Variants in GPR157 observed in about 807,000 individuals in gnomAD.
The protein encoded by GPR157 is G-protein coupled receptor 157.
GPR157 carries 16 observed loss-of-function variants against 23.5 expected under a neutral mutation model. That is an observed-to-expected ratio of 0.68 (90% CI 0.46 to 1.04). The LOEUF (loss-of-function observed/expected upper bound fraction) is 1.04, where lower values mean the gene tolerates loss of function less well. Ranked by LOEUF, GPR157 falls within the 50% of genes least tolerant of loss-of-function variation. The pLI is 0.00. For synonymous variants in GPR157, 200 were observed against 221.5 expected, an observed-to-expected ratio of 0.90 and a Z score of 0.86; for missense variants, 440 against 460.7, an observed-to-expected ratio of 0.96 and a Z score of 0.41.
Position 9,118,469 on chromosome 1 carries a change from G to A in GPR157, c.384-6980C>T, listed in dbSNP as rs1638732302. Reference sequence around the variant, plus strand: ...AGCCACCTCGTGTGTAACTCTGATTGGCAGGGGCACCACAAGCTTCTCCCA... The same window carrying A: ...AGCCACCTCGTGTGTAACTCTGATTAGCAGGGGCACCACAAGCTTCTCCCA... On this transcript the variant is annotated intron_variant, in intron 1 of 3. Coordinates refer to ENST00000377411, the MANE Select transcript of GPR157 (RefSeq NM_024980.5). This position sits in a 1 kb window ranked among gnomAD's most constrained non-coding sequence, Gnocchi z 4.6. 6.6e-6 allele frequency among the ~76,000 whole-genome samples: 1 copy of A among 152,128 alleles called. No individual in the cohort carries two copies. Among genetic ancestry groups the A allele is most frequent in the Non-Finnish European group, 1.5e-5 (1 of 68,030 alleles).
intron 1 of GPR157, among the ~76,000 whole-genome samples, chr1:9,123,537 A>AAAT (rs1392413193): frequency 4.9e-5 from 5 of 102,336 alleles, no homozygotes; most frequent in Non-Finnish European, 7.3e-5. Context: ...TATATATTTA[A>AAAT]ATATATCTAA....
chr1:9,107,752 C>A (rs527912409), intron 2 of GPR157, among the ~76,000 whole-genome samples: 1 of 152,096 alleles, frequency 6.6e-6, no homozygotes, highest in African/African-American at 2.4e-5. Flanking sequence ...AATGGTGAAA[C>A]CTGTCTCTAC....
intron 2 of GPR157, among the ~76,000 whole-genome samples, chr1:9,107,668 G>A (rs1446607225): frequency 6.6e-6 from 1 of 152,180 alleles, no homozygotes; most frequent in Admixed American, 6.6e-5. Flanking sequence ...GCTCATGCCT[G>A]TAATCCCAGC....
rs549808593 is a variant in GPR157 at position 9,111,210 on chromosome 1, T to G, written c.597+66A>C. 1,187 of 1,506,772 alleles carry G rather than the reference T, an allele frequency of 7.9e-4. 1 individual carries two copies. The highest frequency in any genetic ancestry group is 1.0e-3 in the Non-Finnish European group (1,136 of 1,090,490). 93.3% of individuals were successfully genotyped at this position (1,506,772 alleles called of 1,614,324 possible). A position where few individuals can be genotyped will look rare whatever the true frequency, so the allele number is the denominator to read the frequency against. On this transcript the variant is annotated intron_variant, in intron 2 of 3. Coordinates refer to ENST00000377411, the MANE Select transcript of GPR157 (RefSeq NM_024980.5). ...TGTCCCCTCGGGGGGCCAAACTCAA[T>G]GCCAGGCCTTGCACCTGGGCACAGC...
intron 2 of GPR157, among the ~76,000 whole-genome samples, chr1:9,108,943 G>A (rs1638414298): frequency 6.6e-6 from 1 of 151,902 alleles, no homozygotes; most frequent in South Asian, 2.1e-4. Context: ...CCACCACCAC[G>A]CTCAGCTAAT....
intron 1 of GPR157, among the ~76,000 whole-genome samples, chr1:9,115,598 C>T (rs1638618212): frequency 6.6e-6 from 1 of 152,138 alleles, no homozygotes; most frequent in East Asian, 1.9e-4. Flanking sequence ...CTTCCCCCCA[C>T]ACTGGGAGAC....
In GPR157 at chr1:9,103,746, C is replaced by T. The variant is rs979847581; in HGVS notation, c.*673G>A. 6.6e-6 allele frequency: 1 copy of T among 152,334 alleles called. No homozygotes were observed. The highest frequency in any genetic ancestry group is 2.1e-4 in the South Asian group (1 of 4,840). 9.4% of individuals were successfully genotyped at this position (152,334 alleles called of 1,614,324 possible). On this transcript the variant is annotated 3_prime_UTR_variant, in exon 4 of 4. Coordinates refer to ENST00000377411, the MANE Select transcript of GPR157 (RefSeq NM_024980.5). ...TGTGGATTCTGGCCTGTGCTTGACA[C>T]TCAAACCCAAGCTACGGCAAGGGTT...
intron 2 of GPR157, among the ~76,000 whole-genome samples, chr1:9,108,243 C>A (rs1013582020): frequency 1.3e-5 from 2 of 152,172 alleles, no homozygotes; most frequent in African/African-American, 4.8e-5. Context: ...CTGCAACTAA[C>A]CTGCTCAGAG....
chr1:9,105,995 C>T lies in GPR157; in HGVS notation c.598-315G>A, dbSNP rs1638311637. On this transcript the variant is annotated intron_variant, in intron 2 of 3. Transcript: ENST00000377411. The surrounding 1 kb of genome is among the most constrained non-coding windows in gnomAD (Gnocchi z 4.8). Reference sequence around the variant, plus strand: ...GCTTTCTCGTTGCCCAGGCCAAAGCCTTGGGGCTCTGTTTTGACCCCTTTC... The same window carrying T: ...GCTTTCTCGTTGCCCAGGCCAAAGCTTTGGGGCTCTGTTTTGACCCCTTTC... Among the ~76,000 whole-genome samples the T allele has an allele frequency of 1.3e-5, 2 of 152,176 alleles. No homozygotes were observed. The highest frequency in any genetic ancestry group is 4.1e-4 in the South Asian group (2 of 4,836).
chr1:9,116,175 A>ATATT (rs1553175029), intron 1 of GPR157, among the ~76,000 whole-genome samples: 3 of 4,036 alleles, frequency 7.4e-4, no homozygotes, highest in African/African-American at 1.7e-3. Flanking sequence ...ATATAATTAT[A>ATATT]TATATTATAT....
intron 1 of GPR157, among the ~76,000 whole-genome samples, chr1:9,112,318 G>A (rs1303935687): frequency 6.6e-6 from 1 of 152,244 alleles, no homozygotes. Flanking sequence ...GAGGGGGAAC[G>A]TGGGCTTTGG....
chr1:9,106,001 G>T (rs1334649789), intron 2 of GPR157, among the ~76,000 whole-genome samples: 1 of 152,090 alleles, frequency 6.6e-6, no homozygotes, highest in Admixed American at 6.5e-5. Flanking sequence ...AAGCCTTGGG[G>T]CTCTGTTTTG....
In GPR157 at chr1:9,128,463, G is replaced by C; in HGVS notation, c.383+182C>G. ...GGCACAGCGGGGCTCCTTCGGGAGG[G>C]AGCGAATCTCGGGCAAGGCTGGCCT... On this transcript the variant is annotated intron_variant, in intron 1 of 3. Transcript: ENST00000377411. The surrounding 1 kb of genome is among the most constrained non-coding windows in gnomAD (Gnocchi z 6.3). 1 of 687,496 alleles carries C rather than the reference G, an allele frequency of 1.5e-6. No homozygotes were observed. The highest frequency in any genetic ancestry group is 2.7e-5 in the East Asian group (1 of 37,006). 42.6% of individuals were successfully genotyped at this position (687,496 alleles called of 1,614,324 possible). A position where few individuals can be genotyped will look rare whatever the true frequency, so the allele number is the denominator to read the frequency against.
At chr1:9,115,516 G>A (rs1638616336) in intron 1 of GPR157, among the ~76,000 whole-genome samples, 1 of 151,518 alleles carries the variant, frequency 6.6e-6, no homozygotes, top group Non-Finnish European at 1.5e-5. Flanking sequence ...TAGAAAACAA[G>A]ACATATGTTG....
intron 2 of GPR157, among the ~76,000 whole-genome samples, chr1:9,109,291 C>A (rs1169241525): frequency 6.6e-6 from 1 of 151,582 alleles, no homozygotes; most frequent in African/African-American, 2.4e-5. Flanking sequence ...CCATGTTGGC[C>A]AGGCTGGTCT....
intron 2 of GPR157, among the ~76,000 whole-genome samples, chr1:9,106,407 C>T (rs61785823): frequency 0.013 from 2,013 of 152,266 alleles, 36 homozygotes; most frequent in African/African-American, 0.045. Flanking sequence ...GTCCTCCACT[C>T]GGAGCTCTTC....
At chr1:9,123,175 A>AATATATATATATATATAAATAAAATT (rs1491344142) in intron 1 of GPR157, among the ~76,000 whole-genome samples, 1 of 87,086 alleles carries the variant, frequency 1.1e-5, no homozygotes, top group Non-Finnish European at 2.4e-5. Flanking sequence ...AAAAAAAAAA[A>AATATATATATATATATAAATAAAATT]TATATATATA....
At chr1:9,113,246 C>T (rs1017046449) in intron 1 of GPR157, among the ~76,000 whole-genome samples, 19 of 152,138 alleles carry the variant, frequency 1.2e-4, no homozygotes, top group African/African-American at 4.6e-4. Flanking sequence ...GACACAAGTA[C>T]CCCTGTCCTA....
intron 1 of GPR157, among the ~76,000 whole-genome samples, chr1:9,114,920 C>CAAA (rs70985588): frequency 3.3e-4 from 28 of 85,450 alleles, no homozygotes; most frequent in Admixed American, 5.5e-4. Context: ...GACTCCGTCT[C>CAAA]AAAAAAAAAA....
Sources: allele counts gnomAD v4.1 joint callset (sites outside exome capture counted in the v4.1 genomes callset), GRCh38; gene constraint gnomAD v4.1.1; non-coding constraint Gnocchi (gnomAD v3.1); transcripts MANE v1.5; gene names NCBI Gene and HGNC (gene_info 2026-07-23, HGNC 2026-07-21).